The following CDH8 variants were observed in gnomAD, a reference collection of about 807,000 sequenced individuals.
CDH8 encodes cadherin 8.
A neutral mutation model predicts 68.1 loss-of-function variants in CDH8; 17 were observed. The observed-to-expected ratio is 0.25, with a 90% CI of 0.17 to 0.37. The LOEUF (loss-of-function observed/expected upper bound fraction) is 0.37. Among genes scored for constraint, CDH8 ranks in the 10% least tolerant of loss-of-function variants. The pLI, the probability that CDH8 is intolerant of heterozygous loss-of-function variation, is 1.00. For synonymous variants in CDH8, 372 were observed against 365.1 expected (o/e 1.02, Z -0.21); for missense variants, 763 against 999.3 (o/e 0.76, Z 3.19).
At chr16:61,817,388 G>T in intron 7 of CDH8, 91 bp downstream of exon 7, 1 of 1,270,716 alleles carries the variant, frequency 7.9e-7, no homozygotes, top group Non-Finnish European at 1.1e-6. Context: ...ATAGTCCCAA[G>T]GAGAGCCCCA....
intron 2 of CDH8, among the ~76,000 whole-genome samples, chr16:61,976,806 A>T (rs1965443276): frequency 6.6e-6 from 1 of 152,226 alleles, no homozygotes; most frequent in South Asian, 2.1e-4. Context: ...GAATATGAGC[A>T]GTTAAATGGT....
chr16:61,836,755 C>T (rs1962578091), intron 4 of CDH8, among the ~76,000 whole-genome samples: 1 of 151,914 alleles, frequency 6.6e-6, no homozygotes, highest in African/African-American at 2.4e-5. Flanking sequence ...TATATATATA[C>T]TTTCCAGGGC....
In CDH8 at chr16:61,827,665, G is replaced by C. The variant is rs555671868; in HGVS notation, c.668-2486C>G. Among the ~76,000 whole-genome samples, 59 of 151,896 alleles carry C rather than the reference G, an allele frequency of 3.9e-4. No individual in the cohort carries two copies. In the South Asian group the frequency reaches 9.3e-3, roughly 24 times the overall value. ...GCGTCACAGTGGAGAATGTTGTTTA[G>C]CAAATAGGACAAGAAATGCTCCATG... On this transcript the variant is annotated intron_variant, in intron 4 of 11. Coordinates refer to ENST00000577390, the MANE Select transcript of CDH8 (RefSeq NM_001796.5).
chr16:61,653,921 G>A lies in CDH8; in HGVS notation c.2087C>T (p.Pro696Leu), dbSNP rs1963384662. ...CAAATCTGGTTTAATATCCTTACGG[G>A]GTAAAAATCCATTAATTCCATCTGG... is the stretch of plus-strand genomic sequence containing the variant. ...QNPDGINGFLPRKDIKPDLQF... is the reference protein window; with the variant it reads ...QNPDGINGFLLRKDIKPDLQF... Residue 696 changes from proline to leucine, a missense_variant, in exon 12 of 12, where the codon CCC (proline) becomes CTC (leucine). Physicochemically the swap from Pro to Leu is moderately conservative, Grantham distance 98 (BLOSUM62 -3). This residue lies in a region of CDH8 where 397 missense variants were observed against 436.2 expected (regional missense o/e 0.91). Coordinates refer to ENST00000577390, the MANE Select transcript of CDH8 (RefSeq NM_001796.5). The A allele has an allele frequency of 1.2e-6, 2 of 1,614,046 alleles. No individual in the cohort carries two copies. Among genetic ancestry groups the A allele is most frequent in the East Asian group, 2.2e-5 (1 of 44,868 alleles).
intron 8 of CDH8, among the ~76,000 whole-genome samples, chr16:61,727,501 T>C (rs112705341): frequency 1.3e-4 from 19 of 151,236 alleles, no homozygotes; most frequent in African/African-American, 3.9e-4. Context: ...CTTTATTTTA[T>C]AGATAAGGGA....
chr16:61,695,803 T>C (rs1358520835), intron 10 of CDH8, among the ~76,000 whole-genome samples: 1 of 152,172 alleles, frequency 6.6e-6, no homozygotes, highest in Non-Finnish European at 1.5e-5. Context: ...TGAGTAAAGA[T>C]GGATACAGTT....
intron 9 of CDH8, chr16:61,726,756 C>T (rs750538489): frequency 2.7e-6 from 1 of 365,146 alleles, no homozygotes; most frequent in Non-Finnish European, 4.9e-6. Flanking sequence ...GAGGTTTTAC[C>T]TTGCTTCTTG....
At chr16:61,835,786 A>G (rs1962556716) in intron 4 of CDH8, among the ~76,000 whole-genome samples, 1 of 151,986 alleles carries the variant, frequency 6.6e-6, no homozygotes, top group South Asian at 2.1e-4. Context: ...AAAAAAGCAA[A>G]GTGAAAGTCA....
chr16:61,840,716 A>G (rs1252417152), intron 4 of CDH8, among the ~76,000 whole-genome samples: 3 of 152,172 alleles, frequency 2.0e-5, no homozygotes, highest in East Asian at 1.9e-4. Flanking sequence ...TCGTAGATGA[A>G]CAATGAGAAC....
chr16:61,722,273 C>T (rs1265394397), intron 9 of CDH8, among the ~76,000 whole-genome samples: 1 of 150,700 alleles, frequency 6.6e-6, no homozygotes, highest in East Asian at 2.0e-4. Context: ...CCAGTTTCAC[C>T]ATAAACAACA....
chr16:61,808,775 T>G (rs1306749841), intron 7 of CDH8, among the ~76,000 whole-genome samples: 1 of 151,984 alleles, frequency 6.6e-6, no homozygotes, highest in Non-Finnish European at 1.5e-5. Flanking sequence ...GTGTAGGGGG[T>G]GACAAAGTTT....
chr16:61,675,702 C>T (rs529287789), intron 10 of CDH8, among the ~76,000 whole-genome samples: 11 of 150,554 alleles, frequency 7.3e-5, no homozygotes, highest in Non-Finnish European at 1.5e-4. Flanking sequence ...TAAAATAACT[C>T]AATTATGACT....
At chr16:61,971,812 T>C (rs1195481046) in intron 2 of CDH8, among the ~76,000 whole-genome samples, 3 of 152,152 alleles carry the variant, frequency 2.0e-5, no homozygotes, top group Admixed American at 6.5e-5. Context: ...GACGTCACTT[T>C]GGAGATTTCA....
chr16:61,957,908 G>T (rs1467197064), intron 2 of CDH8, among the ~76,000 whole-genome samples: 2 of 152,086 alleles, frequency 1.3e-5, no homozygotes, highest in Non-Finnish European at 2.9e-5. Flanking sequence ...TGCAGGGTCT[G>T]CTTTAGAACA....
At chr16:61,670,370 A>T (rs1963766688) in intron 10 of CDH8, among the ~76,000 whole-genome samples, 2 of 152,060 alleles carry the variant, frequency 1.3e-5, no homozygotes, top group Non-Finnish European at 2.9e-5. Context: ...ATAAATACAT[A>T]ATAGGCATAA....
At chr16:62,009,036 A>C (rs879555066) in intron 2 of CDH8, among the ~76,000 whole-genome samples, 2,354 of 151,936 alleles carry the variant, frequency 0.015, 32 homozygotes, top group African/African-American at 0.031. Flanking sequence ...ACACACAAAA[A>C]AAAAAAAAAG....
At chr16:61,942,787 TC>T (rs1339832329) in intron 2 of CDH8, among the ~76,000 whole-genome samples, 1 of 152,020 alleles carries the variant, frequency 6.6e-6, no homozygotes, top group Non-Finnish European at 1.5e-5. Context: ...AAACACCAGT[TC>T]CAGCTGGGCA....
chr16:61,725,243 A>G (rs1022629294), intron 9 of CDH8: 31 of 149,986 alleles, frequency 2.1e-4, no homozygotes, highest in African/African-American at 7.3e-4. Flanking sequence ...ATGAGAAAAC[A>G]ATGCATTTTT....
chr16:61,768,393 TCC>T (rs369638332), intron 8 of CDH8, among the ~76,000 whole-genome samples: 16 of 73,532 alleles, frequency 2.2e-4, no homozygotes, highest in African/African-American at 6.4e-4. Context: ...TCTCTCTCTC[TCC>T]CTTTCTCTCT....
Sources: allele counts gnomAD v4.1 joint callset (sites outside exome capture counted in the v4.1 genomes callset), GRCh38; gene constraint gnomAD v4.1.1; regional missense constraint gnomAD v4.1.1; transcripts MANE v1.5; gene names NCBI Gene and HGNC (gene_info 2026-07-23, HGNC 2026-07-21).